Variants in POU6F2 observed in about 807,000 individuals in gnomAD.
POU6F2 encodes POU class 6 homeobox 2.
A neutral mutation model predicts 71.3 loss-of-function variants in POU6F2; 31 were observed. The observed-to-expected ratio is 0.43, with a 90% CI of 0.33 to 0.59. POU6F2 has a LOEUF of 0.59. POU6F2 is among the 20% of genes least tolerant of loss of function. The pLI, the probability that POU6F2 is intolerant of heterozygous loss-of-function variation, is 0.04. For missense variants in POU6F2, 783 were observed against 856.8 expected, an observed-to-expected ratio of 0.91 and a Z score of 1.07; for synonymous variants, 347 against 355.7, an observed-to-expected ratio of 0.98 and a Z score of 0.27.
At chr7:39,003,936 T>A (rs1228382895) in intron 1 of POU6F2, among the ~76,000 whole-genome samples, 1 of 152,136 alleles carries the variant, frequency 6.6e-6, no homozygotes, top group African/African-American at 2.4e-5. Context: ...AAAAAGACCA[T>A]AAAGAAATAA....
intron 4 of POU6F2, among the ~76,000 whole-genome samples, chr7:39,326,742 A>T (rs2128770351): frequency 6.6e-6 from 1 of 152,280 alleles, no homozygotes; most frequent in South Asian, 2.1e-4. Flanking sequence ...TCTTTAACTC[A>T]TGCTGTAGGC....
intron 2 of POU6F2, among the ~76,000 whole-genome samples, chr7:39,194,972 C>T (rs1051594175): frequency 1.5e-4 from 23 of 152,098 alleles, no homozygotes; most frequent in East Asian, 3.8e-4. Flanking sequence ...GAACAAACTC[C>T]GCACACACCA....
At chr7:39,199,991 T>TTTTAAAA (rs1793863454) in intron 2 of POU6F2, among the ~76,000 whole-genome samples, 1 of 152,206 alleles carries the variant, frequency 6.6e-6, no homozygotes, top group Non-Finnish European at 1.5e-5. Flanking sequence ...GTTATTATAT[T>TTTTAAAA]TTTAAAATTA....
chr7:39,147,807 T>C (rs1316727594), intron 2 of POU6F2, among the ~76,000 whole-genome samples: 1 of 152,160 alleles, frequency 6.6e-6, no homozygotes, highest in Admixed American at 6.5e-5. Context: ...ATTGCCTGAT[T>C]TGTGTCCTAT....
intron 5 of POU6F2, among the ~76,000 whole-genome samples, chr7:39,356,763 A>G (rs1012684863): frequency 6.6e-6 from 1 of 152,204 alleles, no homozygotes; most frequent in Non-Finnish European, 1.5e-5. Flanking sequence ...TATAATTAGA[A>G]CCATGCTTGG....
chr7:39,416,738 A>G (rs1336408866), intron 6 of POU6F2, among the ~76,000 whole-genome samples: 2 of 152,166 alleles, frequency 1.3e-5, no homozygotes, highest in African/African-American at 4.8e-5. Flanking sequence ...ATTTTTGGAG[A>G]GGAGGAAAGA....
chr7:39,065,630 A>G (rs1342585534), intron 1 of POU6F2, among the ~76,000 whole-genome samples: 2 of 151,324 alleles, frequency 1.3e-5, no homozygotes, highest in Non-Finnish European at 3.0e-5. Context: ...AACAATGAAT[A>G]TGAAGGATGT....
intron 5 of POU6F2, among the ~76,000 whole-genome samples, chr7:39,361,625 T>G (rs999147139): frequency 1.3e-5 from 2 of 152,230 alleles, no homozygotes; most frequent in Admixed American, 6.5e-5. Flanking sequence ...GTTAGTAACA[T>G]GTACCTATTT....
chr7:39,084,355 TATTG>T (rs1157659492), intron 1 of POU6F2, among the ~76,000 whole-genome samples: 1 of 152,160 alleles, frequency 6.6e-6, no homozygotes, highest in African/African-American at 2.4e-5. Context: ...AATAAAAAAG[TATTG>T]ATTATTTTGA....
intron 2 of POU6F2, among the ~76,000 whole-genome samples, chr7:39,175,740 T>C (rs1193891791): frequency 1.3e-5 from 2 of 152,176 alleles, no homozygotes; most frequent in African/African-American, 4.8e-5. Flanking sequence ...GCCTCATGTA[T>C]GGCCACCCTT....
chr7:39,235,279 T>C (rs1408707291), intron 4 of POU6F2, among the ~76,000 whole-genome samples: 1 of 152,346 alleles, frequency 6.6e-6, no homozygotes, highest in East Asian at 1.9e-4. Flanking sequence ...GGCAGCATAA[T>C]AGATGTATCT....
intron 5 of POU6F2, among the ~76,000 whole-genome samples, chr7:39,375,452 C>A (rs961662290): frequency 1.3e-5 from 2 of 152,114 alleles, no homozygotes; most frequent in Non-Finnish European, 2.9e-5. Context: ...GCCGCCCAGT[C>A]CCTGAAGCCG....
At chr7:39,197,353 C>T (rs1270991230) in intron 2 of POU6F2, among the ~76,000 whole-genome samples, 6 of 152,244 alleles carry the variant, frequency 3.9e-5, no homozygotes, top group Admixed American at 6.5e-5. Context: ...CCCTTGGGTT[C>T]GCCCATGTGC....
At chr7:38,998,273 A>T (rs190463839) in intron 1 of POU6F2, among the ~76,000 whole-genome samples, 1 of 152,262 alleles carries the variant, frequency 6.6e-6, no homozygotes, top group East Asian at 1.9e-4. Flanking sequence ...CAAGTTCCCA[A>T]GATTGGGGTG....
intron 6 of POU6F2, 125 bp from the exon 7 acceptor site, chr7:39,432,952 G>A: frequency 1.1e-6 from 1 of 875,830 alleles, no homozygotes; most frequent in Admixed American, 2.3e-5. Context: ...CCCCTCCAGA[G>A]CTGCTTGCAG....
rs555749970 is a variant in POU6F2, at chr7:39,114,686, T to C, written c.277+28655T>C. ...TGGTCAGGTGCCAAATTACAGTTTTTATACCATAAAAATGAAGTTGTTAAA... is the reference window on the plus strand; with the variant it reads ...TGGTCAGGTGCCAAATTACAGTTTTCATACCATAAAAATGAAGTTGTTAAA... On this transcript the variant is annotated intron_variant, in intron 2 of 9. Transcript: ENST00000518318. Among the ~76,000 whole-genome samples the C allele has an allele frequency of 2.0e-5, 3 of 152,318 alleles. 1 individual carries two copies. The South Asian group carries it at 6.2e-4, about 32-fold the overall frequency.
At chr7:39,164,386 G>A (rs1793068486) in intron 2 of POU6F2, among the ~76,000 whole-genome samples, 1 of 136,406 alleles carries the variant, frequency 7.3e-6, no homozygotes, top group South Asian at 2.7e-4. Context: ...GAGGGACAGG[G>A]TGGCAGGGTA....
At chr7:39,414,569 C>T (rs1254714279) in intron 6 of POU6F2, among the ~76,000 whole-genome samples, 5 of 152,206 alleles carry the variant, frequency 3.3e-5, no homozygotes, top group African/African-American at 7.2e-5. Context: ...GGGCGGCGGA[C>T]TTGACAGGAA....
chr7:39,175,977 T>C (rs1174019799), intron 2 of POU6F2, among the ~76,000 whole-genome samples: 1 of 152,198 alleles, frequency 6.6e-6, no homozygotes, highest in African/African-American at 2.4e-5. Flanking sequence ...GCCTTTATCT[T>C]AGGTCAATCA....
Sources: gnomAD v4.1 joint callset for allele counts (sites outside exome capture counted in the v4.1 genomes callset) on GRCh38, gnomAD v4.1.1 for gene constraint, MANE v1.5 for transcripts, NCBI Gene and HGNC (gene_info 2026-07-23, HGNC 2026-07-21) for gene names.